PCDHGB6: variants seen among roughly 807,000 people sequenced by gnomAD.
PCDHGB6 encodes the protein protocadherin gamma-B6.
Under a neutral mutation model 59.1 loss-of-function variants are expected in PCDHGB6, and 51 were observed. The ratio of observed to expected loss-of-function variants is 0.86; its 90% CI spans 0.69 to 1.09. The LOEUF is 1.09. Among genes scored for constraint, PCDHGB6 ranks in the 50% least tolerant of loss-of-function variants. PCDHGB6 has a pLI of 0.00. For synonymous variants in PCDHGB6, 466 were observed against 495.1 expected (o/e 0.94, Z 0.78); for missense variants, 1,148 against 1,205.1 (o/e 0.95, Z 0.70).
chr5:141,415,427 G>C, intron 1 of PCDHGB6: 3 of 1,614,188 alleles, frequency 1.9e-6, no homozygotes, highest in Non-Finnish European at 2.5e-6. Flanking sequence ...GACGGGGTTC[G>C]GGCTTTCCTG....
At chr5:141,474,130 C>T (rs28684928) in intron 1 of PCDHGB6, among the ~76,000 whole-genome samples, 6 of 152,160 alleles carry the variant, frequency 3.9e-5, no homozygotes. Context: ...TCTCAGAAAA[C>T]TACAGGCCTT....
At chr5:141,498,971 G>GGGAGGGAAGGAAGGAAGGAA (rs2099787588) in intron 2 of PCDHGB6, among the ~76,000 whole-genome samples, 11 of 111,048 alleles carry the variant, frequency 9.9e-5, no homozygotes, top group African/African-American at 3.2e-4. Context: ...GAGGGAGGGA[G>GGGAGGGAAGGAAGGAAGGAA]GGAAGGAAGG....
intron 1 of PCDHGB6, among the ~76,000 whole-genome samples, chr5:141,424,906 A>T (rs1417615946): frequency 5.9e-5 from 9 of 152,212 alleles, no homozygotes. Context: ...GATCACAGGA[A>T]TCATTTCCAT....
Position 141,432,390 on chromosome 5 carries a change from G to A in PCDHGB6, c.2418+21770G>A. The A allele has an allele frequency of 6.2e-7, 1 of 1,614,256 alleles. No homozygotes were observed. The highest frequency in any genetic ancestry group is 8.5e-7 in the Non-Finnish European group (1 of 1,180,046). On this transcript the variant is annotated intron_variant, in intron 1 of 3. Transcript: ENST00000520790. This position sits in a 1 kb window ranked among gnomAD's most constrained non-coding sequence, Gnocchi z 6.0. ...GACAACGGGCACCCGCCCCTCAGCA[G>A]CAACGTGTCGTTGAGCCTGTTCGTG... is the stretch of plus-strand genomic sequence containing the variant.
rs2154594676 is a variant in PCDHGB6, at chr5:141,511,333, G to A, written c.*160G>A. 6.9e-7 allele frequency: 1 copy of A among 1,441,948 alleles called. No homozygotes were observed. Among genetic ancestry groups the A allele is most frequent in the Non-Finnish European group, 9.2e-7 (1 of 1,085,894 alleles). The allele number at this position is 1,441,948 out of a possible 1,614,324, so 89.3% of individuals were successfully genotyped here. On this transcript the variant is annotated 3_prime_UTR_variant, in exon 4 of 4. Transcript: ENST00000520790. Reference sequence around the variant, plus strand: ...GGAAACAGAAACAAGTGCCCAGTCAGCACCTACCCCTTCCCCCCCAGGGGG... The same window carrying A: ...GGAAACAGAAACAAGTGCCCAGTCAACACCTACCCCTTCCCCCCCAGGGGG...
intron 1 of PCDHGB6, among the ~76,000 whole-genome samples, chr5:141,438,921 C>T (rs1204218608): frequency 6.6e-6 from 1 of 151,970 alleles, no homozygotes; most frequent in Non-Finnish European, 1.5e-5. Context: ...CTGCCTTGGC[C>T]TCCCAAAGTG....
chr5:141,449,930 A>G (rs1353778264), intron 1 of PCDHGB6, among the ~76,000 whole-genome samples: 1 of 151,614 alleles, frequency 6.6e-6, no homozygotes, highest in East Asian at 1.9e-4. Context: ...ACCATACCTT[A>G]TAGTATATTT....
chr5:141,489,061 C>A lies in PCDHGB6; in HGVS notation c.2419-5746C>A. On this transcript the variant is annotated intron_variant, in intron 1 of 3. Coordinates refer to ENST00000520790, the MANE Select transcript of PCDHGB6 (RefSeq NM_018926.3). This position sits in a 1 kb window ranked among gnomAD's most constrained non-coding sequence, Gnocchi z 4.5. ...AGCTCCACTCAAATTCAGCTCCCCT[C>A]CCCCCTGCCCACCCCCGCCACTCGG... 5 of 347,080 alleles carry A rather than the reference C, an allele frequency of 1.4e-5. No individual in the cohort carries two copies. The highest frequency in any genetic ancestry group is 2.2e-5 in the African/African-American group (1 of 46,422). 21.5% of individuals were successfully genotyped at this position (347,080 alleles called of 1,614,324 possible). A position where few individuals can be genotyped will look rare whatever the true frequency, so the allele number is the denominator to read the frequency against.
chr5:141,408,185 C>G lies in PCDHGB6; in HGVS notation c.-18C>G. ...TCCAACTGGAAAAGCGGGGACCCAG[C>G]GAGAACCCGAGCGAACGATGGGAGG... On this transcript the variant is annotated 5_prime_UTR_variant, in exon 1 of 4. Coordinates refer to ENST00000520790, the MANE Select transcript of PCDHGB6 (RefSeq NM_018926.3). 6.5e-7 allele frequency: 1 copy of G among 1,540,440 alleles called. No homozygotes were observed. Among genetic ancestry groups the G allele is most frequent in the Non-Finnish European group, 8.8e-7 (1 of 1,140,648 alleles).
At chr5:141,457,063 G>A (rs1477613746) in intron 1 of PCDHGB6, among the ~76,000 whole-genome samples, 1 of 152,104 alleles carries the variant, frequency 6.6e-6, no homozygotes, top group East Asian at 1.9e-4. Context: ...CTTCCTTTTT[G>A]CCAGTAACTA....
intron 1 of PCDHGB6, among the ~76,000 whole-genome samples, chr5:141,433,408 A>ATCTATCTATCTATCT (rs1413347413): frequency 7.9e-6 from 1 of 127,280 alleles, no homozygotes; most frequent in African/African-American, 2.9e-5. Flanking sequence ...TCTATCTATT[A>ATCTATCTATCTATCT]CTTTCTTGTA....
intron 1 of PCDHGB6, among the ~76,000 whole-genome samples, chr5:141,466,351 A>G (rs897901821): frequency 6.6e-6 from 1 of 152,050 alleles, no homozygotes; most frequent in African/African-American, 2.4e-5. Context: ...TTTTGCAGCT[A>G]ATCTAGATGT....
intron 2 of PCDHGB6, among the ~76,000 whole-genome samples, chr5:141,499,301 TC>T (rs771049830): frequency 6.6e-6 from 1 of 152,166 alleles, no homozygotes; most frequent in Non-Finnish European, 1.5e-5. Context: ...CTACCATCCC[TC>T]CTCTGAGAGA....
At chr5:141,452,227 T>C (rs2098736376) in intron 1 of PCDHGB6, among the ~76,000 whole-genome samples, 1 of 152,232 alleles carries the variant, frequency 6.6e-6, no homozygotes, top group African/African-American at 2.4e-5. Context: ...CTCTTCAAGC[T>C]GGTTCTTGTG....
At chr5:141,443,481 G>C (rs1025329476) in intron 1 of PCDHGB6, among the ~76,000 whole-genome samples, 3 of 152,114 alleles carry the variant, frequency 2.0e-5, no homozygotes, top group African/African-American at 7.2e-5. Context: ...ATTAGACCCT[G>C]TCCCAAAACA....
intron 1 of PCDHGB6, among the ~76,000 whole-genome samples, chr5:141,494,469 C>T (rs2099754623): frequency 6.6e-6 from 1 of 152,114 alleles, no homozygotes; most frequent in Non-Finnish European, 1.5e-5. Flanking sequence ...GCACCTCTTC[C>T]CCCAGTTCCA....
At chr5:141,463,460 T>TTC (rs573961569) in intron 1 of PCDHGB6, among the ~76,000 whole-genome samples, 28 of 136,126 alleles carry the variant, frequency 2.1e-4, no homozygotes, top group Admixed American at 4.4e-4. Context: ...TTTTTTTTTT[T>TTC]TTTTTTGAGA....
At chr5:141,413,841 T>C (rs1481867404) in intron 1 of PCDHGB6, 1 of 1,613,060 alleles carries the variant, frequency 6.2e-7, no homozygotes, top group Admixed American at 1.7e-5. Context: ...CCGACGGGGG[T>C]GACCCTCTCC....
Position 141,432,010 on chromosome 5 carries a change from CT to C in PCDHGB6, c.2418+21391del. The C allele has an allele frequency of 6.2e-7, 1 of 1,614,068 alleles. No individual in the cohort carries two copies. Among genetic ancestry groups the C allele is most frequent in the Non-Finnish European group, 8.5e-7 (1 of 1,180,022 alleles). ...TCTTGGATAGGGAACAGGTTCCTAG[CT>C]ACAACATCACAGTGACCGCCACTGA... On this transcript the variant is annotated intron_variant, in intron 1 of 3. Coordinates refer to ENST00000520790, the MANE Select transcript of PCDHGB6 (RefSeq NM_018926.3). This position sits in a 1 kb window ranked among gnomAD's most constrained non-coding sequence, Gnocchi z 6.0.
Sources: gnomAD v4.1 joint callset for allele counts (sites outside exome capture counted in the v4.1 genomes callset) on GRCh38, gnomAD v4.1.1 for gene constraint, Gnocchi (gnomAD v3.1) non-coding constraint, MANE v1.5 for transcripts, NCBI Gene and HGNC (gene_info 2026-07-23, HGNC 2026-07-21) for gene names.